PPM1L: variants seen among roughly 807,000 people sequenced by gnomAD.
PPM1L encodes protein phosphatase 1L.
In PPM1L, 13 loss-of-function variants were observed where a neutral mutation model predicts 31.4. That is an observed-to-expected ratio of 0.41 (90% CI 0.27 to 0.66). The LOEUF is 0.66. Among genes scored for constraint, PPM1L ranks in the 30% least tolerant of loss-of-function variants. The pLI, the probability that PPM1L is intolerant of heterozygous loss-of-function variation, is 0.29. For missense variants in PPM1L, 326 were observed against 453.7 expected, an observed-to-expected ratio of 0.72 and a Z score of 2.56; for synonymous variants, 184 against 175.4, an observed-to-expected ratio of 1.05 and a Z score of -0.39.
intron 2 of PPM1L, among the ~76,000 whole-genome samples, chr3:161,064,353 CA>C (rs1273289142): frequency 6.7e-6 from 1 of 148,604 alleles, no homozygotes; most frequent in Admixed American, 6.7e-5. Flanking sequence ...GATGACAGAG[CA>C]AGACCCTATC....
rs1720057418 is a variant in PPM1L, at chr3:161,075,044, G to C, written c.*5887G>C. 6.6e-6 allele frequency: 1 copy of C among 152,152 alleles called. No individual in the cohort carries two copies. The highest frequency in any genetic ancestry group is 2.4e-5 in the African/African-American group (1 of 41,426). The allele number at this position is 152,152 out of a possible 1,614,324, so 9.4% of individuals were successfully genotyped here. Reference sequence around the variant, plus strand: ...GATTACTGTAAGGGCACTGGTGGCAGATTGTGGTGGAGAGAGGGCTGAGTG... The same window carrying C: ...GATTACTGTAAGGGCACTGGTGGCACATTGTGGTGGAGAGAGGGCTGAGTG... On this transcript the variant is annotated 3_prime_UTR_variant, in exon 4 of 4. Coordinates refer to ENST00000498165, the MANE Select transcript of PPM1L (RefSeq NM_139245.4).
chr3:160,941,280 A>T (rs1715152817), intron 1 of PPM1L, among the ~76,000 whole-genome samples: 1 of 152,130 alleles, frequency 6.6e-6, no homozygotes, highest in Non-Finnish European at 1.5e-5. Context: ...GTTAATGCTG[A>T]AATGAGTTAA....
intron 1 of PPM1L, among the ~76,000 whole-genome samples, chr3:160,937,357 A>G (rs1379661359): frequency 6.6e-6 from 1 of 152,222 alleles, no homozygotes; most frequent in Non-Finnish European, 1.5e-5. Flanking sequence ...GTGGTGGCTC[A>G]CGCCTGTAAT....
chr3:160,944,340 G>GT (rs1715255169), intron 1 of PPM1L, among the ~76,000 whole-genome samples: 1 of 151,750 alleles, frequency 6.6e-6, no homozygotes, highest in South Asian at 2.1e-4. Flanking sequence ...GCTTAAGTTA[G>GT]TTTTTTATGA....
intron 2 of PPM1L, among the ~76,000 whole-genome samples, chr3:161,026,498 C>T (rs1355396909): frequency 6.6e-6 from 1 of 152,048 alleles, no homozygotes; most frequent in African/African-American, 2.4e-5. Context: ...GAGCTCAAGA[C>T]CAGCCTGGCC....
intron 1 of PPM1L, among the ~76,000 whole-genome samples, chr3:160,953,905 C>A (rs897808906): frequency 6.6e-6 from 1 of 152,186 alleles, no homozygotes; most frequent in African/African-American, 2.4e-5. Context: ...GCATGTTTTT[C>A]TTTCCCATCT....
intron 1 of PPM1L, among the ~76,000 whole-genome samples, chr3:160,786,151 C>CTGTGTGTGTGTGTGTG (rs1318787874): frequency 2.3e-5 from 2 of 85,690 alleles, no homozygotes; most frequent in Non-Finnish European, 3.9e-5. Context: ...CTCTCTCTCT[C>CTGTGTGTGTGTGTGTG]TCTCTCTGTG....
chr3:160,841,300 A>G (rs1713872612), intron 1 of PPM1L, among the ~76,000 whole-genome samples: 1 of 152,034 alleles, frequency 6.6e-6, no homozygotes, highest in African/African-American at 2.4e-5. Context: ...GATAGGACTC[A>G]ATGAGCACAA....
intron 1 of PPM1L, among the ~76,000 whole-genome samples, chr3:160,923,900 T>A (rs13089559): frequency 0.36 from 55,046 of 152,090 alleles, 12,762 homozygotes; most frequent in Non-Finnish European, 0.52. Context: ...ATGTTTTTTA[T>A]TTTTCTTCTC....
At chr3:160,928,981 C>T (rs1162141172) in intron 1 of PPM1L, among the ~76,000 whole-genome samples, 1 of 152,090 alleles carries the variant, frequency 6.6e-6, no homozygotes, top group Non-Finnish European at 1.5e-5. Context: ...GTCTAAGTTT[C>T]TGATTTAGTT....
intron 2 of PPM1L, among the ~76,000 whole-genome samples, chr3:161,044,936 G>A (rs1281112017): frequency 1.3e-5 from 2 of 151,998 alleles, no homozygotes; most frequent in Non-Finnish European, 2.9e-5. Context: ...GATCTACCAA[G>A]CAAATGGAAA....
chr3:160,839,907 C>T (rs924947391), intron 1 of PPM1L, among the ~76,000 whole-genome samples: 2 of 152,054 alleles, frequency 1.3e-5, no homozygotes, highest in East Asian at 1.9e-4. Context: ...AAATATATCT[C>T]GAATGTATGC....
Position 160,949,800 on chromosome 3 carries a change from A to G in PPM1L, c.400-11936A>G, listed in dbSNP as rs369473054. On this transcript the variant is annotated intron_variant, in intron 1 of 3. Transcript: ENST00000498165. ...TGAGAGCTGTAACGGAGATCTGAAC[A>G]TAGTACATTGTGGTGACAAGTGGGA... Among the ~76,000 whole-genome samples, 12 of 152,342 alleles carry G rather than the reference A, an allele frequency of 7.9e-5. No homozygotes were observed. The South Asian group carries it at 2.1e-3, about 26-fold the overall frequency.
intron 1 of PPM1L, among the ~76,000 whole-genome samples, chr3:160,909,972 G>A (rs926849452): frequency 6.6e-6 from 1 of 152,154 alleles, no homozygotes; most frequent in African/African-American, 2.4e-5. Context: ...AATCCTGGGA[G>A]GAAGGAAGGG....
intron 2 of PPM1L, among the ~76,000 whole-genome samples, chr3:161,015,087 G>A (rs575689412): frequency 7.9e-5 from 12 of 151,352 alleles, no homozygotes; most frequent in Non-Finnish European, 2.9e-5. Flanking sequence ...AGTAGCAAAG[G>A]GGGGTGAATG....
intron 2 of PPM1L, among the ~76,000 whole-genome samples, chr3:161,061,919 C>G (rs569562461): frequency 9.8e-5 from 15 of 152,294 alleles, no homozygotes; most frequent in African/African-American, 3.6e-4. Flanking sequence ...TCTCATTGAA[C>G]AAGGACAGGG....
At position 160,926,174 on chromosome 3, in the gene PPM1L, G is replaced by A. The variant is rs113998554; in HGVS notation, c.400-35562G>A. ...TGCCCCTTTGCCCCTTTCCTCTAGCGTCTTTTTCTCTGTGGATTCATAATG... is the reference window on the plus strand; with the variant it reads ...TGCCCCTTTGCCCCTTTCCTCTAGCATCTTTTTCTCTGTGGATTCATAATG... On this transcript the variant is annotated intron_variant, in intron 1 of 3. Coordinates refer to ENST00000498165, the MANE Select transcript of PPM1L (RefSeq NM_139245.4). Among the ~76,000 whole-genome samples the A allele has an allele frequency of 4.5e-3, 688 of 152,158 alleles. 7 individuals carry two copies. Among genetic ancestry groups the A allele is most frequent in the African/African-American group, 0.015 (630 of 41,508 alleles).
chr3:161,059,248 A>C (rs759299182), intron 2 of PPM1L, among the ~76,000 whole-genome samples: 1 of 152,120 alleles, frequency 6.6e-6, no homozygotes, highest in Non-Finnish European at 1.5e-5. Context: ...AGCCCTACCC[A>C]TATGTTATTT....
rs532887484 is a variant in PPM1L, at chr3:160,887,398, C to T, written c.400-74338C>T. The stretch of plus-strand genomic sequence containing the variant: ...CTCCAGAGAACACCACTAAGATACT[C>T]CATGAAAAGATCAACCTCAAGACAC... On this transcript the variant is annotated intron_variant, in intron 1 of 3. Coordinates refer to ENST00000498165, the MANE Select transcript of PPM1L (RefSeq NM_139245.4). Among the ~76,000 whole-genome samples, 68 of 151,902 alleles carry T rather than the reference C, an allele frequency of 4.5e-4. No individual in the cohort carries two copies. The South Asian group carries it at 0.013, about 28-fold the overall frequency.
Sources: allele counts gnomAD v4.1 joint callset (sites outside exome capture counted in the v4.1 genomes callset), GRCh38; gene constraint gnomAD v4.1.1; transcripts MANE v1.5; gene names NCBI Gene and HGNC (gene_info 2026-07-23, HGNC 2026-07-21).